The following GIT2 variants were observed in gnomAD, a reference collection of about 807,000 sequenced individuals.
GIT2 encodes the protein GIT ArfGAP 2.
GIT2 carries 32 observed loss-of-function variants against 100.3 expected under a neutral mutation model. The observed-to-expected ratio is 0.32, with a 90% confidence interval of 0.24 to 0.43. The LOEUF is 0.43. GIT2 is among the 20% of genes least tolerant of loss of function. The probability of loss-of-function intolerance (pLI) is 1.00; values close to 1 mark genes in which losing one functional copy is unlikely to be tolerated. For synonymous variants in GIT2, 353 were observed against 364.1 expected (o/e 0.97, Z 0.35); for missense variants, 737 against 975.1 (o/e 0.76, Z 3.25).
chr12:109,996,802 G>A (rs1030122663), upstream of GIT2, among the ~76,000 whole-genome samples: 5 of 152,178 alleles, frequency 3.3e-5, no homozygotes, highest in African/African-American at 9.7e-5. Flanking sequence ...TCCAGGCTGG[G>A]CGTGGTGGCT....
At chr12:109,955,142 G>A (rs757541806) in intron 12 of GIT2, among the ~76,000 whole-genome samples, 3 of 151,680 alleles carry the variant, frequency 2.0e-5, no homozygotes, top group African/African-American at 4.8e-5. Context: ...TTCTTTTTTT[G>A]AGACAGAGTC....
rs1878733101 is a variant in GIT2, at chr12:109,954,218, G to T, written c.1100-984C>A. ...AGCTACTCGGGAGGCTGAGGCAGGA[G>T]AATGGCATGAACCCGCTTGCAGTGA... On this transcript the variant is annotated intron_variant, in intron 12 of 19. Transcript: ENST00000355312. The T allele has an allele frequency of 2.0e-5, 3 of 151,826 alleles. No homozygotes were observed. In the South Asian group the frequency reaches 6.3e-4, roughly 32 times the overall value. 9.4% of individuals were successfully genotyped at this position (151,826 alleles called of 1,614,324 possible).
At chr12:109,965,922 G>A (rs970995901) in intron 8 of GIT2, among the ~76,000 whole-genome samples, 5 of 151,728 alleles carry the variant, frequency 3.3e-5, no homozygotes, top group South Asian at 2.1e-4. Context: ...AAAATATGTC[G>A]GGCTCGATGG....
intron 12 of GIT2, among the ~76,000 whole-genome samples, chr12:109,956,696 A>T (rs911142803): frequency 6.6e-6 from 1 of 152,104 alleles, no homozygotes; most frequent in African/African-American, 2.4e-5. Context: ...TCCTTACAAA[A>T]CTGGGGTTAT....
At chr12:109,972,124 C>T (rs942339163) in intron 7 of GIT2, among the ~76,000 whole-genome samples, 5 of 152,046 alleles carry the variant, frequency 3.3e-5, no homozygotes, top group Non-Finnish European at 7.4e-5. Context: ...ACATAGAAAT[C>T]ATCTCATTTG....
chr12:109,972,970 G>A (rs906289275), intron 7 of GIT2, among the ~76,000 whole-genome samples: 5 of 151,830 alleles, frequency 3.3e-5, no homozygotes, highest in South Asian at 2.1e-4. Context: ...CTACAGGCAC[G>A]TGCCATCAGG....
rs1248326973 is a variant in GIT2, at chr12:109,934,053, G to T, written c.2036C>A (p.Ala679Asp). ...GAATAATGCTGCCATTTCTGTAACA[G>T]CTACGTGTATCCTCTCTGAGCAGGG... Reference protein sequence around the residue: ...YIPCSERIHVAVTEMAALFPK... With the variant: ...YIPCSERIHVDVTEMAALFPK... Residue 679 changes from alanine (A) to aspartate (D), a missense_variant, in exon 19 of 20, where the codon GCT (alanine) becomes GAT (aspartate). Coordinates refer to ENST00000355312, the MANE Select transcript of GIT2 (RefSeq NM_057169.5). The surrounding 1 kb of genome is among the most constrained non-coding windows in gnomAD (Gnocchi z 4.5). 1.3e-6 allele frequency: 2 copies of T among 1,575,130 alleles called. No homozygotes were observed.
intron 4 of GIT2, among the ~76,000 whole-genome samples, chr12:109,985,457 T>C (rs376370028): frequency 2.6e-5 from 4 of 152,346 alleles, no homozygotes; most frequent in South Asian, 4.1e-4. Flanking sequence ...GGCTCACGCC[T>C]GTAATCCCAG....
intron 11 of GIT2, 127 bp downstream of exon 11, chr12:109,961,151 T>C: frequency 1.7e-6 from 1 of 589,780 alleles, no homozygotes; most frequent in Non-Finnish European, 3.1e-6. Flanking sequence ...GGGTTGTGTG[T>C]GTATATATGT....
chr12:109,954,803 G>A (rs1323441917), intron 12 of GIT2, among the ~76,000 whole-genome samples: 2 of 151,732 alleles, frequency 1.3e-5, no homozygotes, highest in Admixed American at 6.6e-5. Flanking sequence ...GGAGGCTGAG[G>A]CAGGAGAATC....
chr12:109,940,977 A>G (rs563161707), intron 16 of GIT2, among the ~76,000 whole-genome samples: 9 of 151,478 alleles, frequency 5.9e-5, no homozygotes, highest in Non-Finnish European at 1.0e-4. Flanking sequence ...TACTGATAAC[A>G]CCTGGTGGGT....
chr12:109,963,133 T>A (rs767789376), intron 9 of GIT2, among the ~76,000 whole-genome samples: 4 of 152,202 alleles, frequency 2.6e-5, no homozygotes, highest in Non-Finnish European at 5.9e-5. Context: ...GTTCCAGTTT[T>A]AAAAAAAGAT....
At chr12:109,956,345 A>T (rs1288609411) in intron 12 of GIT2, among the ~76,000 whole-genome samples, 1 of 152,182 alleles carries the variant, frequency 6.6e-6, no homozygotes, top group Non-Finnish European at 1.5e-5. Context: ...GGGCCATTTT[A>T]AAACAGTGAA....
chr12:109,945,291 A>G lies in GIT2; in HGVS notation c.1700T>C (p.Leu567Pro), dbSNP rs759839584. The G allele has an allele frequency of 5.1e-6, 8 of 1,580,322 alleles. No individual in the cohort carries two copies. In the South Asian group the frequency reaches 8.9e-5, roughly 18 times the overall value. Residue 567 changes from leucine to proline, a missense_variant, in exon 16 of 20, where the codon CTT becomes CCT. By Grantham distance (98) the Leu-to-Pro change is moderately conservative (BLOSUM62 -3). This residue lies in a region of GIT2 where 451 missense variants were observed against 543.7 expected (regional missense o/e 0.83). Coordinates refer to ENST00000355312, the MANE Select transcript of GIT2 (RefSeq NM_057169.5). ...GGCGCTTTCGTCCCTCGACCAGGAA[A>G]GTGTGGAGGGGAAGGAAGGCAGAGA... The part of the protein sequence containing the change: ...SSSLPSFPST[L>P]SWSRDESARR...
chr12:109,939,334 A>G, intron 16 of GIT2, 87 bp from the exon 17 acceptor site: 1 of 770,174 alleles, frequency 1.3e-6, no homozygotes, highest in Non-Finnish European at 2.3e-6. Context: ...CTGTTAGGCT[A>G]CTGGCCTTCA....
chr12:109,948,835 T>A lies in GIT2; in HGVS notation c.1393-1331A>T. The A allele has an allele frequency of 2.5e-6, 4 of 1,600,354 alleles. No individual in the cohort carries two copies. The highest frequency in any genetic ancestry group is 3.4e-6 in the Non-Finnish European group (4 of 1,169,974). On this transcript the variant is annotated intron_variant, in intron 14 of 19. Transcript: ENST00000355312. The surrounding 1 kb of genome is among the most constrained non-coding windows in gnomAD (Gnocchi z 4.3). The stretch of plus-strand genomic sequence containing the variant: ...TTGCTCCTCTTCATTAATTAGCATC[T>A]TTTCCAAGCAACTGTTAAATGTGAA...
At chr12:109,999,480 G>A (rs1231604295), upstream of GIT2, 2 of 269,326 alleles carry the variant, frequency 7.4e-6, no homozygotes, top group Non-Finnish European at 1.4e-5. This position sits in a 1 kb window ranked among gnomAD's most constrained non-coding sequence, Gnocchi z 4.3. Context: ...GCGGGGCGCG[G>A]GGTGGGCGCG....
intron 9 of GIT2, among the ~76,000 whole-genome samples, chr12:109,965,130 G>A (rs1882009633): frequency 6.6e-6 from 1 of 152,032 alleles, no homozygotes; most frequent in Non-Finnish European, 1.5e-5. Flanking sequence ...TGAATCTATG[G>A]GACTCGCCAC....
chr12:109,979,273 T>C (rs1885787746), intron 7 of GIT2, among the ~76,000 whole-genome samples: 2 of 15,588 alleles, frequency 1.3e-4, no homozygotes, highest in South Asian at 3.9e-3. Flanking sequence ...AGAAAAAGGC[T>C]TTTTTTTTTT....
Sources: allele counts gnomAD v4.1 joint callset (sites outside exome capture counted in the v4.1 genomes callset), GRCh38; gene constraint gnomAD v4.1.1; regional missense constraint gnomAD v4.1.1; non-coding constraint Gnocchi (gnomAD v3.1); transcripts MANE v1.5; gene names NCBI Gene and HGNC (gene_info 2026-07-23, HGNC 2026-07-21).